The following FUT9 variants were observed in gnomAD, a reference collection of about 807,000 sequenced individuals.
FUT9 encodes fucosyltransferase 9.
FUT9 carries 15 observed loss-of-function variants against 29.7 expected under a neutral mutation model. That is an observed-to-expected ratio of 0.51 (90% CI 0.34 to 0.78). The LOEUF (loss-of-function observed/expected upper bound fraction) is 0.78. Ranked by LOEUF, FUT9 falls within the 30% of genes least tolerant of loss-of-function variation. The pLI is 0.01. For synonymous variants in FUT9, 169 were observed against 153.7 expected (o/e 1.10, Z -0.74); for missense variants, 319 against 425.4 (o/e 0.75, Z 2.20).
At chr6:96,027,468 A>T (rs1365550812) in intron 1 of FUT9, among the ~76,000 whole-genome samples, 1 of 151,334 alleles carries the variant, frequency 6.6e-6, no homozygotes, top group East Asian at 1.9e-4. Context: ...GTTCAGATAG[A>T]TGTCTGCTGC....
chr6:96,029,735 G>A (rs1295432976), intron 1 of FUT9, among the ~76,000 whole-genome samples: 1 of 151,492 alleles, frequency 6.6e-6, no homozygotes, highest in Non-Finnish European at 1.5e-5. Flanking sequence ...CCAGACTTAG[G>A]GATGATCCAG....
In FUT9 at chr6:96,076,684, T is replaced by A. The variant is rs1293574688; in HGVS notation, c.-97-37355T>A. On this transcript the variant is annotated intron_variant, in intron 1 of 2. Transcript: ENST00000302103. ...GTTTGATATATAGAAATATAAATAT[T>A]AAACTCCTAATGAAATTCAAAGTTA... 2.0e-5 allele frequency among the ~76,000 whole-genome samples: 3 copies of A among 152,318 alleles called. No homozygotes were observed. The East Asian group carries it at 5.8e-4, about 29-fold the overall frequency.
rs570889627 is a variant in FUT9 at position 96,023,238 on chromosome 6, G to C, written c.-98+7026G>C. ...GACAGCAGTTTTTCTTTGACTACCA[G>C]AAGGATTAAACATTGTGAATCTGCT... is the stretch of plus-strand genomic sequence containing the variant. On this transcript the variant is annotated intron_variant, in intron 1 of 2. Transcript: ENST00000302103. Among the ~76,000 whole-genome samples the C allele has an allele frequency of 2.0e-5, 3 of 152,026 alleles. No individual in the cohort carries two copies. The South Asian group carries it at 6.2e-4, about 32-fold the overall frequency.
intron 1 of FUT9, among the ~76,000 whole-genome samples, chr6:96,025,408 G>C (rs1011003555): frequency 7.2e-5 from 11 of 151,736 alleles, no homozygotes; most frequent in African/African-American, 2.7e-4. Context: ...CTATCGCCCA[G>C]TGGCCCATAT....
rs536088330 is a variant in FUT9 at position 96,212,478 on chromosome 6, ATAAT to A, written c.*8248_*8251del. 89 of 409,882 alleles carry A rather than the reference ATAAT, an allele frequency of 2.2e-4. No individual in the cohort carries two copies. The highest frequency in any genetic ancestry group is 1.3e-3 in the Middle Eastern group (2 of 1,576). The allele number at this position is 409,882 out of a possible 1,614,324, so 25.4% of individuals were successfully genotyped here. A position where few individuals can be genotyped will look rare whatever the true frequency, so the allele number is the denominator to read the frequency against. On this transcript the variant is annotated 3_prime_UTR_variant, in exon 3 of 3. Transcript: ENST00000302103. ...TGAATATTTCATATGTGATTTTAAAATAATTAATCAAAAAACAAAGACTATCATA... is the reference window on the plus strand; with the variant it reads ...TGAATATTTCATATGTGATTTTAAAATAATCAAAAAACAAAGACTATCATA...
At chr6:96,145,834 A>T (rs1051558124) in intron 2 of FUT9, among the ~76,000 whole-genome samples, 1 of 151,918 alleles carries the variant, frequency 6.6e-6, no homozygotes. Context: ...CTCAGTAAGG[A>T]TTTTGATTTC....
chr6:96,020,537 A>G (rs929059940), intron 1 of FUT9, among the ~76,000 whole-genome samples: 1 of 152,142 alleles, frequency 6.6e-6, no homozygotes, highest in Non-Finnish European at 1.5e-5. Context: ...CTCTTCACTG[A>G]TAGCCAGAGG....
Position 96,200,241 on chromosome 6 carries a change from A to G in FUT9, c.-8-2907A>G, listed in dbSNP as rs117003919. ...GTGTCAGATACCCTTGTTAAAAGAA[A>G]TTAATCTAAATTCAACTCATCGTTA... On this transcript the variant is annotated intron_variant, in intron 2 of 2. Coordinates refer to ENST00000302103, the MANE Select transcript of FUT9 (RefSeq NM_006581.4). Among the ~76,000 whole-genome samples, 193 of 152,314 alleles carry G rather than the reference A, an allele frequency of 1.3e-3. 1 individual carries two copies. The highest frequency in any genetic ancestry group is 2.4e-3 in the Non-Finnish European group (163 of 68,030).
intron 1 of FUT9, among the ~76,000 whole-genome samples, chr6:96,089,932 A>G (rs1771383037): frequency 6.6e-6 from 1 of 152,208 alleles, no homozygotes; most frequent in Non-Finnish European, 1.5e-5. Flanking sequence ...CACTAGGACA[A>G]TAAATCAAAC....
chr6:96,034,314 T>G (rs1400670326), intron 1 of FUT9, among the ~76,000 whole-genome samples: 1 of 151,590 alleles, frequency 6.6e-6, no homozygotes, highest in African/African-American at 2.4e-5. Context: ...TAATTGCCTA[T>G]GAGGTTATGG....
Position 96,205,752 on chromosome 6 carries a change from T to C in FUT9, c.*1517T>C, listed in dbSNP as rs1773816619. On this transcript the variant is annotated 3_prime_UTR_variant, in exon 3 of 3. Transcript: ENST00000302103. ...CCAAAAATTAGAATGTTCTGAGACA[T>C]CCATTTGGGTCTATTTGTGACTTAT... The C allele has an allele frequency of 1.2e-5, 2 of 166,584 alleles. No individual in the cohort carries two copies. The highest frequency in any genetic ancestry group is 4.8e-5 in the African/African-American group (2 of 41,444). The allele number at this position is 166,584 out of a possible 1,614,324, so 10.3% of individuals were successfully genotyped here.
chr6:96,173,098 C>T (rs1357364601), intron 2 of FUT9, among the ~76,000 whole-genome samples: 2 of 152,052 alleles, frequency 1.3e-5, no homozygotes, highest in African/African-American at 4.8e-5. Flanking sequence ...CACAGACACA[C>T]ATTATTCTGT....
chr6:96,104,761 A>G (rs1582232597), intron 1 of FUT9, among the ~76,000 whole-genome samples: 1 of 151,276 alleles, frequency 6.6e-6, no homozygotes, highest in Non-Finnish European at 1.5e-5. Context: ...TGAATTCCTG[A>G]CCTCGTGATC....
chr6:96,154,463 G>A (rs1772738510), intron 2 of FUT9, among the ~76,000 whole-genome samples: 1 of 152,076 alleles, frequency 6.6e-6, no homozygotes. Context: ...AAGTAAACAT[G>A]TTTTTACTTT....
intron 2 of FUT9, among the ~76,000 whole-genome samples, chr6:96,163,827 C>A (rs1480723190): frequency 6.6e-6 from 1 of 152,192 alleles, no homozygotes; most frequent in African/African-American, 2.4e-5. Flanking sequence ...CCCAGCTAAG[C>A]ACTTTACATT....
intron 1 of FUT9, among the ~76,000 whole-genome samples, chr6:96,068,201 T>G (rs1210850457): frequency 2.0e-5 from 3 of 152,002 alleles, no homozygotes; most frequent in Non-Finnish European, 4.4e-5. Context: ...AAATCAACCA[T>G]GTACAGGTCA....
intron 2 of FUT9, among the ~76,000 whole-genome samples, chr6:96,141,938 C>A (rs551234996): frequency 7.2e-5 from 11 of 152,298 alleles, no homozygotes; most frequent in African/African-American, 2.4e-4. Flanking sequence ...AATTTTATCT[C>A]TTCTCCATTT....
At chr6:96,026,096 A>G (rs560668670) in intron 1 of FUT9, among the ~76,000 whole-genome samples, 2 of 148,098 alleles carry the variant, frequency 1.4e-5, no homozygotes, top group East Asian at 4.1e-4. Context: ...TGTCTGCTTT[A>G]CAAACATGTT....
intron 1 of FUT9, among the ~76,000 whole-genome samples, chr6:96,055,884 C>T (rs1582198593): frequency 2.0e-5 from 3 of 151,838 alleles, no homozygotes; most frequent in African/African-American, 7.3e-5. Context: ...CACTCTATTA[C>T]ATAAAGTTTA....
Sources: gnomAD v4.1 joint callset for allele counts (sites outside exome capture counted in the v4.1 genomes callset) on GRCh38, gnomAD v4.1.1 for gene constraint, MANE v1.5 for transcripts, NCBI Gene and HGNC (gene_info 2026-07-23, HGNC 2026-07-21) for gene names.